The following GRIA4 variants were observed in gnomAD, a reference collection of about 807,000 sequenced individuals.
GRIA4 encodes glutamate receptor 4.
A neutral mutation model predicts 104.0 loss-of-function variants in GRIA4; 34 were observed. The ratio of observed to expected loss-of-function variants is 0.33; its 90% confidence interval spans 0.25 to 0.44. GRIA4 has a LOEUF of 0.44. GRIA4 is among the 20% of genes least tolerant of loss of function. The probability of loss-of-function intolerance (pLI) is 1.00; values close to 1 mark genes in which losing one functional copy is unlikely to be tolerated. For synonymous variants in GRIA4, 386 were observed against 381.9 expected, an observed-to-expected ratio of 1.01 and a Z score of -0.13; for missense variants, 750 against 1,096.5, an observed-to-expected ratio of 0.68 and a Z score of 4.46.
intron 4 of GRIA4, among the ~76,000 whole-genome samples, chr11:105,856,339 G>A (rs985500381): frequency 1.3e-5 from 2 of 152,244 alleles, no homozygotes; most frequent in Admixed American, 1.3e-4. Flanking sequence ...TCCCTTGCCT[G>A]TTCACCTCTC....
intron 16 of GRIA4, among the ~76,000 whole-genome samples, chr11:105,976,316 G>A (rs936225762): frequency 6.6e-6 from 1 of 151,970 alleles, no homozygotes; most frequent in African/African-American, 2.4e-5. Flanking sequence ...TAAATGCTGT[G>A]TATGCTAGTT....
At chr11:105,707,147 T>C (rs1953732367) in intron 3 of GRIA4, 1 of 153,788 alleles carries the variant, frequency 6.5e-6, no homozygotes, top group African/African-American at 2.4e-5. Flanking sequence ...TCAGAACCCC[T>C]GGCTTTGATG....
intron 16 of GRIA4, among the ~76,000 whole-genome samples, chr11:105,978,403 T>C (rs1859101111): frequency 6.6e-6 from 1 of 152,076 alleles, no homozygotes; most frequent in African/African-American, 2.4e-5. Flanking sequence ...TTTAAGACTG[T>C]TTACTGAAAC....
At chr11:105,821,865 TGA>T (rs1332935051) in intron 4 of GRIA4, among the ~76,000 whole-genome samples, 3 of 152,148 alleles carry the variant, frequency 2.0e-5, no homozygotes, top group Non-Finnish European at 4.4e-5. Flanking sequence ...GCACAAACCA[TGA>T]CTTATCATAT....
chr11:105,950,246 G>C (rs774589496), intron 14 of GRIA4, among the ~76,000 whole-genome samples: 5 of 152,130 alleles, frequency 3.3e-5, no homozygotes, highest in Non-Finnish European at 5.9e-5. Context: ...GGTGATAAAG[G>C]CTTCAACTAA....
At chr11:105,677,041 A>G (rs1462396355) in intron 3 of GRIA4, among the ~76,000 whole-genome samples, 2 of 151,914 alleles carry the variant, frequency 1.3e-5, no homozygotes, top group African/African-American at 4.8e-5. Context: ...CAGTATTTGT[A>G]AAGTACAAAA....
At chr11:105,913,760 CGAAGTTAAGG>C (rs1170483820) in intron 10 of GRIA4, among the ~76,000 whole-genome samples, 1 of 151,838 alleles carries the variant, frequency 6.6e-6, no homozygotes, top group Non-Finnish European at 1.5e-5. Flanking sequence ...GCTTTACTAC[CGAAGTTAAGG>C]GATGCTTATG....
chr11:105,817,453 C>T lies in GRIA4; in HGVS notation c.488-44571C>T, dbSNP rs549542408. Among the ~76,000 whole-genome samples, 38 of 151,106 alleles carry T rather than the reference C, an allele frequency of 2.5e-4. 1 individual carries two copies. In the South Asian group the frequency reaches 7.2e-3, roughly 28 times the overall value. On this transcript the variant is annotated intron_variant, in intron 4 of 16. Transcript: ENST00000282499. ...TTATAGTAATAAATCTGAAAACTAG[C>T]TCAGTGTTGTGGCCAGAGTAAAGTA...
At chr11:105,781,217 TA>T (rs1941712100) in intron 4 of GRIA4, among the ~76,000 whole-genome samples, 1 of 152,178 alleles carries the variant, frequency 6.6e-6, no homozygotes, top group Non-Finnish European at 1.5e-5. Context: ...ATGTTAACAT[TA>T]GTCAGATGTA....
chr11:105,941,768 T>C (rs1948185173), intron 14 of GRIA4, among the ~76,000 whole-genome samples: 2 of 152,098 alleles, frequency 1.3e-5, no homozygotes, highest in Non-Finnish European at 2.9e-5. Flanking sequence ...CCCTTTCTGT[T>C]GTTGCTTCAC....
At chr11:105,744,815 C>T (rs906684176) in intron 3 of GRIA4, among the ~76,000 whole-genome samples, 2 of 152,144 alleles carry the variant, frequency 1.3e-5, no homozygotes, top group South Asian at 4.1e-4. Context: ...CCGTTCTGCT[C>T]TCTTCCCATT....
At chr11:105,866,216 G>A (rs1327451822) in intron 5 of GRIA4, among the ~76,000 whole-genome samples, 2 of 152,126 alleles carry the variant, frequency 1.3e-5, no homozygotes, top group African/African-American at 4.8e-5. Context: ...CAGTTGAGCT[G>A]AGATGATCTT....
At chr11:105,939,235 G>A (rs1228445177) in intron 14 of GRIA4, among the ~76,000 whole-genome samples, 4 of 152,150 alleles carry the variant, frequency 2.6e-5, no homozygotes, top group Non-Finnish European at 5.9e-5. Flanking sequence ...CTTTATAGCA[G>A]CCTGAGTAGG....
intron 4 of GRIA4, among the ~76,000 whole-genome samples, chr11:105,835,025 G>A (rs375462101): frequency 2.0e-5 from 3 of 151,984 alleles, no homozygotes; most frequent in Non-Finnish European, 4.4e-5. Flanking sequence ...TAAATACAAA[G>A]TAAGCCCTAC....
At chr11:105,926,537 T>G (rs1947711418) in intron 12 of GRIA4, among the ~76,000 whole-genome samples, 1 of 152,140 alleles carries the variant, frequency 6.6e-6, no homozygotes, top group East Asian at 1.9e-4. Context: ...TGTCATATTT[T>G]CAGTGGCATT....
At chr11:105,654,255 T>C (rs1325234024) in intron 3 of GRIA4, among the ~76,000 whole-genome samples, 1 of 151,446 alleles carries the variant, frequency 6.6e-6, no homozygotes, top group Non-Finnish European at 1.5e-5. Flanking sequence ...TTCAGTGAAA[T>C]AGGAATAAAT....
At chr11:105,951,469 C>G (rs1262791957) in intron 14 of GRIA4, among the ~76,000 whole-genome samples, 1 of 152,172 alleles carries the variant, frequency 6.6e-6, no homozygotes, top group Admixed American at 6.5e-5. Context: ...TGAAACAAAG[C>G]TTTCATATGT....
intron 9 of GRIA4, among the ~76,000 whole-genome samples, chr11:105,906,129 A>G (rs1947034084): frequency 6.6e-6 from 1 of 152,206 alleles, no homozygotes; most frequent in Non-Finnish European, 1.5e-5. Context: ...TTATGTAATG[A>G]TAACTGCAAT....
chr11:105,841,254 T>C (rs1304733798), intron 4 of GRIA4, among the ~76,000 whole-genome samples: 1 of 152,152 alleles, frequency 6.6e-6, no homozygotes, highest in Non-Finnish European at 1.5e-5. Flanking sequence ...AATTCTTAAA[T>C]CTTTAAAAAA....
Sources: allele counts gnomAD v4.1 joint callset (sites outside exome capture counted in the v4.1 genomes callset), GRCh38; gene constraint gnomAD v4.1.1; transcripts MANE v1.5; gene names NCBI Gene and HGNC (gene_info 2026-07-23, HGNC 2026-07-21).